The following ATP2B4 variants were observed in gnomAD, a reference collection of about 807,000 sequenced individuals.
ATP2B4 encodes ATPase plasma membrane Ca2+ transporting 4.
A neutral mutation model predicts 110.3 loss-of-function variants in ATP2B4; 39 were observed. That is an observed-to-expected ratio of 0.35 (90% CI 0.27 to 0.46). The LOEUF (loss-of-function observed/expected upper bound fraction) is 0.46. Among genes scored for constraint, ATP2B4 ranks in the 20% least tolerant of loss-of-function variants. The pLI is 1.00. For missense variants in ATP2B4, 1,135 were observed against 1,530.9 expected (o/e 0.74, Z 4.32); for synonymous variants, 538 against 571.7 (o/e 0.94, Z 0.84).
chr1:203,701,056 C>G, intron 6 of ATP2B4, 133 bp downstream of exon 6: 1 of 1,220,172 alleles, frequency 8.2e-7, no homozygotes, highest in Non-Finnish European at 1.1e-6. Flanking sequence ...ATCCAAACTC[C>G]TTGCTGAGAT....
intron 2 of ATP2B4, among the ~76,000 whole-genome samples, chr1:203,686,479 A>G (rs1002182522): frequency 6.6e-6 from 1 of 151,980 alleles, no homozygotes; most frequent in East Asian, 1.9e-4. Flanking sequence ...TCAACATTGG[A>G]TATCAAATGT....
chr1:203,640,268 C>G (rs1276346230), intron 1 of ATP2B4, among the ~76,000 whole-genome samples: 2 of 152,182 alleles, frequency 1.3e-5, no homozygotes, highest in African/African-American at 4.8e-5. Flanking sequence ...TGTTCCCACT[C>G]CTGCTCTCAC....
intron 1 of ATP2B4, among the ~76,000 whole-genome samples, chr1:203,633,695 G>A (rs1219490147): frequency 7.2e-6 from 1 of 138,084 alleles, no homozygotes; most frequent in Non-Finnish European, 1.6e-5. Flanking sequence ...GTGGGAGACA[G>A]AGCGAGACTC....
At chr1:203,657,289 G>A (rs1009426982) in intron 1 of ATP2B4, 5 of 729,542 alleles carry the variant, frequency 6.9e-6, no homozygotes, top group Admixed American at 2.1e-5. Context: ...ACAAAGCAGA[G>A]TTTAGTAACC....
intron 1 of ATP2B4, among the ~76,000 whole-genome samples, chr1:203,671,675 C>T (rs1211146446): frequency 6.6e-6 from 1 of 152,228 alleles, no homozygotes; most frequent in Non-Finnish European, 1.5e-5. Flanking sequence ...TGCACTGTTA[C>T]TCATCCATCA....
chr1:203,707,365 T>G (rs1023228070), intron 9 of ATP2B4, 142 bp downstream of exon 9: 54 of 707,468 alleles, frequency 7.6e-5, no homozygotes, highest in Non-Finnish European at 1.1e-4. Context: ...TCCCTGGTAT[T>G]ATGGAAGGAC....
Position 203,713,228 on chromosome 1 carries a change from A to G in ATP2B4, c.2275A>G (p.Thr759Ala), listed in dbSNP as rs755362673. The G allele has an allele frequency of 6.2e-7, 1 of 1,614,168 alleles. No individual in the cohort carries two copies. Among genetic ancestry groups the G allele is most frequent in the Non-Finnish European group, 8.5e-7 (1 of 1,180,008 alleles). The change falls in exon 14 of 21, where the codon ACT (threonine) becomes GCT (alanine). Residue 759 changes from threonine (T) to alanine (A), a missense_variant. Thr to Ala is a moderately conservative substitution (Grantham distance 58, BLOSUM62 0). Coordinates refer to ENST00000357681, the MANE Select transcript of ATP2B4 (RefSeq NM_001684.5). ...KLRVLARSSPTDKHTLVKGII... is the reference protein window; with the variant it reads ...KLRVLARSSPADKHTLVKGII... ...TCGGGTCCTGGCGCGATCTTCTCCC[A>G]CTGACAAGCACACCCTGGTGAAAGG...
At chr1:203,650,745 C>T (rs967387666) in intron 1 of ATP2B4, among the ~76,000 whole-genome samples, 4 of 152,212 alleles carry the variant, frequency 2.6e-5, no homozygotes, top group African/African-American at 2.4e-5. Context: ...GCGGAAGTCC[C>T]GCACAGGGCA....
intron 20 of ATP2B4, among the ~76,000 whole-genome samples, chr1:203,736,027 G>A (rs1040280657): frequency 2.0e-5 from 3 of 152,118 alleles, no homozygotes; most frequent in African/African-American, 7.2e-5. Flanking sequence ...GGAGCTCCTA[G>A]AAGTTATAGC....
intron 15 of ATP2B4, among the ~76,000 whole-genome samples, chr1:203,718,963 G>A (rs768173970): frequency 3.3e-5 from 5 of 152,038 alleles, no homozygotes; most frequent in East Asian, 1.9e-4. Flanking sequence ...GCTCACACCC[G>A]TAATCAATCG....
chr1:203,699,572 T>C lies in ATP2B4; in HGVS notation c.504T>C (p.Phe168=), dbSNP rs1241248808. The C allele has an allele frequency of 1.9e-6, 3 of 1,614,094 alleles. No homozygotes were observed. The highest frequency in any genetic ancestry group is 2.5e-6 in the Non-Finnish European group (3 of 1,180,050). The change falls in exon 4 of 21, where the codon TTT becomes TTC. Residue 168 remains phenylalanine (F), a synonymous_variant. Coordinates refer to ENST00000357681, the MANE Select transcript of ATP2B4 (RefSeq NM_001684.5). The part of the protein sequence containing the change: ...SVIIVVLVTA[F]NDWSKEKQFR... ...TCATCGTGGTGTTAGTGACTGCCTT[T>C]AATGATTGGAGCAAAGAGAAGCAAT...
chr1:203,669,030 T>A (rs1463087781), intron 1 of ATP2B4, among the ~76,000 whole-genome samples: 1 of 152,196 alleles, frequency 6.6e-6, no homozygotes, highest in Non-Finnish European at 1.5e-5. Flanking sequence ...GCTTAGGGCT[T>A]TAGAAATAAA....
rs765517591 is a variant in ATP2B4 at position 203,727,615 on chromosome 1, C to T, written c.3309+44C>T. 2.5e-6 allele frequency: 4 copies of T among 1,606,866 alleles called. No individual in the cohort carries two copies. In the African/African-American group the frequency reaches 5.4e-5, roughly 22 times the overall value. On this transcript the variant is annotated intron_variant, in intron 20 of 20. Transcript: ENST00000357681. ...GTCCTTCCCTTGGGAGAAGCAGCTT[C>T]CCATCTTGGAAGGTGTTGGGAGGGT...
chr1:203,706,177 G>A (rs114296347), intron 8 of ATP2B4, among the ~76,000 whole-genome samples: 73 of 152,196 alleles, frequency 4.8e-4, no homozygotes, highest in African/African-American at 1.7e-3. Context: ...ATTCTTTCAC[G>A]TACTGTAATG....
At chr1:203,636,469 T>C (rs1663442111) in intron 1 of ATP2B4, among the ~76,000 whole-genome samples, 1 of 152,194 alleles carries the variant, frequency 6.6e-6, no homozygotes, top group South Asian at 2.1e-4. Flanking sequence ...TTACGTAGGC[T>C]CATGTAGGTG....
chr1:203,655,435 C>G (rs911023516), intron 1 of ATP2B4, among the ~76,000 whole-genome samples: 3 of 152,022 alleles, frequency 2.0e-5, no homozygotes, highest in Non-Finnish European at 1.5e-5. Flanking sequence ...CACCTGAGAT[C>G]AAGAGTTGGA....
chr1:203,684,369 T>G (rs1256314861), intron 2 of ATP2B4, among the ~76,000 whole-genome samples: 1 of 151,122 alleles, frequency 6.6e-6, no homozygotes, highest in African/African-American at 2.4e-5. Context: ...TTTTTTTTTT[T>G]TTTGGAGACA....
intron 4 of ATP2B4, among the ~76,000 whole-genome samples, 157 bp downstream of exon 4, chr1:203,699,874 G>A (rs1304809790): frequency 6.6e-6 from 1 of 152,196 alleles, no homozygotes; most frequent in Non-Finnish European, 1.5e-5. Flanking sequence ...GTTGTGGGAA[G>A]CCATTTCAGA....
In ATP2B4 at chr1:203,709,165, A is replaced by G. The variant is rs184714813; in HGVS notation, c.1558-136A>G. 49 of 743,734 alleles carry G rather than the reference A, an allele frequency of 6.6e-5. No homozygotes were observed. In the African/African-American group the frequency reaches 6.9e-4, roughly 10 times the overall value. 46.1% of individuals were successfully genotyped at this position (743,734 alleles called of 1,614,324 possible). On this transcript the variant is annotated intron_variant, in intron 10 of 20. Coordinates refer to ENST00000357681, the MANE Select transcript of ATP2B4 (RefSeq NM_001684.5). ...GAGCGAGACTCCATCTCCAAAAAAG[A>G]AAAAAAAAAATGTTATTTCCCCTAT... is the stretch of plus-strand genomic sequence containing the variant.
Sources: gnomAD v4.1 joint callset for allele counts (sites outside exome capture counted in the v4.1 genomes callset) on GRCh38, gnomAD v4.1.1 for gene constraint, MANE v1.5 for transcripts, NCBI Gene and HGNC (gene_info 2026-07-23, HGNC 2026-07-21) for gene names.